The following MEMO1 variants were observed in gnomAD, a reference collection of about 807,000 sequenced individuals.
The protein encoded by MEMO1 is protein MEMO1.
A neutral mutation model predicts 45.2 loss-of-function variants in MEMO1; 6 were observed. The observed-to-expected ratio is 0.13, with a 90% confidence interval of 0.07 to 0.26. MEMO1 has a LOEUF of 0.26. Among genes scored for constraint, MEMO1 ranks in the 10% least tolerant of loss-of-function variants. The probability of loss-of-function intolerance (pLI) is 1.00; values close to 1 mark genes in which losing one functional copy is unlikely to be tolerated. For synonymous variants in MEMO1, 78 were observed against 124.3 expected, an observed-to-expected ratio of 0.63 and a Z score of 2.48; for missense variants, 184 against 370.5, an observed-to-expected ratio of 0.50 and a Z score of 4.13.
chr2:31,955,165 A>G (rs1043821475), intron 2 of MEMO1, among the ~76,000 whole-genome samples: 19 of 152,032 alleles, frequency 1.2e-4, no homozygotes, highest in African/African-American at 4.6e-4. Context: ...TGAGTCCAGG[A>G]GGTCAAATCT....
intron 8 of MEMO1, among the ~76,000 whole-genome samples, chr2:31,877,239 C>A (rs939042487): frequency 3.9e-5 from 6 of 152,160 alleles, no homozygotes; most frequent in Non-Finnish European, 8.8e-5. Flanking sequence ...GACAAATCAA[C>A]AAATGAGTAA....
chr2:31,999,802 A>C (rs1673049763), intron 2 of MEMO1, among the ~76,000 whole-genome samples: 1 of 151,726 alleles, frequency 6.6e-6, no homozygotes, highest in Non-Finnish European at 1.5e-5. Flanking sequence ...GAACCTTTGA[A>C]TTTGCTGTAC....
At chr2:31,882,243 A>C (rs1396162164) in intron 8 of MEMO1, among the ~76,000 whole-genome samples, 1 of 152,140 alleles carries the variant, frequency 6.6e-6, no homozygotes, top group Non-Finnish European at 1.5e-5. Context: ...GCTTAAGCCC[A>C]GGAATTCCAG....
At chr2:31,876,395 C>T (rs911996803) in intron 8 of MEMO1, among the ~76,000 whole-genome samples, 27 of 152,140 alleles carry the variant, frequency 1.8e-4, no homozygotes, top group African/African-American at 6.3e-4. Context: ...AATCATTTAC[C>T]ATCATTTACC....
chr2:31,877,965 A>T (rs1245306042), intron 8 of MEMO1, among the ~76,000 whole-genome samples: 1 of 152,218 alleles, frequency 6.6e-6, no homozygotes, highest in Admixed American at 6.5e-5. Context: ...CTTTGTATAC[A>T]TCGGAGAACA....
At chr2:31,997,055 T>C (rs563764183) in intron 2 of MEMO1, among the ~76,000 whole-genome samples, 21 of 152,226 alleles carry the variant, frequency 1.4e-4, no homozygotes, top group African/African-American at 4.6e-4. Flanking sequence ...TATTTGACCA[T>C]AAACCCTTTC....
intron 6 of MEMO1, among the ~76,000 whole-genome samples, chr2:31,896,732 C>G (rs1677873234): frequency 6.6e-6 from 1 of 152,120 alleles, no homozygotes; most frequent in Admixed American, 6.5e-5. Flanking sequence ...TCAAGTCATA[C>G]ATTAGGAGAA....
chr2:31,943,759 G>A (rs1204144906), intron 2 of MEMO1, among the ~76,000 whole-genome samples: 3 of 152,136 alleles, frequency 2.0e-5, no homozygotes, highest in Admixed American at 1.3e-4. Flanking sequence ...CTGCTCTACA[G>A]ATTAATCACT....
chr2:31,871,413 G>A (rs758156216), intron 8 of MEMO1, among the ~76,000 whole-genome samples: 4 of 152,128 alleles, frequency 2.6e-5, no homozygotes, highest in Non-Finnish European at 5.9e-5. Flanking sequence ...AAATTTTACA[G>A]TGGCAGCATC....
intron 2 of MEMO1, among the ~76,000 whole-genome samples, chr2:31,987,573 T>C (rs1671423676): frequency 1.3e-5 from 2 of 152,318 alleles, no homozygotes; most frequent in East Asian, 3.9e-4. Flanking sequence ...CAAATAACAT[T>C]ATAATCTAGT....
At position 31,892,449 on chromosome 2, in the gene MEMO1, A is replaced by G. The variant is rs1332081432; in HGVS notation, c.438-315T>C. ...AAAAAATAAAAACAAGCCCATCAGA[A>G]GAGCACCAATTCAATTCTTTTCAAG... On this transcript the variant is annotated intron_variant, in intron 6 of 9. Coordinates refer to ENST00000404530, the MANE Select transcript of MEMO1 (RefSeq NM_001301833.4). 2.0e-5 allele frequency among the ~76,000 whole-genome samples: 3 copies of G among 152,324 alleles called. No individual in the cohort carries two copies. The South Asian group carries it at 6.2e-4, about 32-fold the overall frequency.
intron 3 of MEMO1, among the ~76,000 whole-genome samples, chr2:31,934,618 G>A (rs1664694892): frequency 6.6e-6 from 1 of 152,170 alleles, no homozygotes; most frequent in Admixed American, 6.6e-5. Context: ...ACATAAGGTA[G>A]ATGAGAAAAT....
At chr2:31,888,656 A>T (rs1347079792) in intron 7 of MEMO1, among the ~76,000 whole-genome samples, 1 of 152,148 alleles carries the variant, frequency 6.6e-6, no homozygotes, top group Non-Finnish European at 1.5e-5. Context: ...TTTTCACTTA[A>T]TCTACTTCCT....
At chr2:32,007,255 A>C (rs1350584638) in intron 2 of MEMO1, among the ~76,000 whole-genome samples, 1 of 152,150 alleles carries the variant, frequency 6.6e-6, no homozygotes, top group African/African-American at 2.4e-5. Context: ...TTCCCAATCC[A>C]ATGTTCCTTC....
intron 2 of MEMO1, among the ~76,000 whole-genome samples, chr2:31,968,054 C>A (rs576707873): frequency 6.6e-6 from 1 of 152,196 alleles, no homozygotes; most frequent in Non-Finnish European, 1.5e-5. Context: ...CTCACAATGG[C>A]CAACCAAAAG....
intron 6 of MEMO1, among the ~76,000 whole-genome samples, chr2:31,913,560 A>AT (rs201947496): frequency 1.1e-4 from 16 of 150,970 alleles, no homozygotes; most frequent in Admixed American, 7.3e-4. Context: ...AAAACATGTA[A>AT]TTTTTTTTTA....
intron 5 of MEMO1, among the ~76,000 whole-genome samples, chr2:31,920,410 T>C (rs1420626956): frequency 6.6e-6 from 1 of 152,176 alleles, no homozygotes; most frequent in African/African-American, 2.4e-5. Context: ...ATAAAGATAT[T>C]ATCAGCATTA....
At chr2:31,954,835 G>GA (rs200128212) in intron 2 of MEMO1, among the ~76,000 whole-genome samples, 381 of 124,200 alleles carry the variant, frequency 3.1e-3, no homozygotes, top group Admixed American at 3.8e-3. Context: ...ACTCTGTTTT[G>GA]AAAAAAAAAA....
chr2:31,872,353 G>C (rs1444382375), intron 8 of MEMO1, among the ~76,000 whole-genome samples: 1 of 152,074 alleles, frequency 6.6e-6, no homozygotes, highest in Non-Finnish European at 1.5e-5. Context: ...ACATGTTGTA[G>C]GTGAACTTTT....
Sources: allele counts gnomAD v4.1 joint callset (sites outside exome capture counted in the v4.1 genomes callset), GRCh38; gene constraint gnomAD v4.1.1; transcripts MANE v1.5; gene names NCBI Gene and HGNC (gene_info 2026-07-23, HGNC 2026-07-21).